NTNG1: variants seen among roughly 807,000 people sequenced by gnomAD.
NTNG1 encodes netrin-G1.
NTNG1 carries 16 observed loss-of-function variants against 54.0 expected under a neutral mutation model. The observed-to-expected ratio is 0.30, with a 90% CI of 0.20 to 0.45. The LOEUF is 0.45. Ranked by LOEUF, NTNG1 falls within the 20% of genes least tolerant of loss-of-function variation. The pLI, the probability that NTNG1 is intolerant of heterozygous loss-of-function variation, is 1.00. For synonymous variants in NTNG1, 255 were observed against 263.1 expected (o/e 0.97, Z 0.30); for missense variants, 530 against 678.7 (o/e 0.78, Z 2.43).
rs140746162 is a variant in NTNG1 at position 107,466,540 on chromosome 1, G to A, written c.1391-14071G>A. Among the ~76,000 whole-genome samples, 28 of 152,242 alleles carry A rather than the reference G, an allele frequency of 1.8e-4. 1 individual carries two copies. The East Asian group carries it at 4.6e-3, about 25-fold the overall frequency. On this transcript the variant is annotated intron_variant, in intron 7 of 7. Coordinates refer to ENST00000370068, the MANE Select transcript of NTNG1 (RefSeq NM_001113226.3). ...TTCAGAAAATAGAGTAAGAAATGTC[G>A]AGGAAAGTGAAATGTGTTAGGACAA...
At chr1:107,275,455 G>A (rs963351457) in intron 2 of NTNG1, among the ~76,000 whole-genome samples, 3 of 152,184 alleles carry the variant, frequency 2.0e-5, no homozygotes, top group African/African-American at 4.8e-5. Flanking sequence ...TACAGAGGCT[G>A]ACAAGTCCCA....
rs527848514 is a variant in NTNG1, at chr1:107,322,294, G to A, written c.247-1988G>A. ...AACTCACTTTGGTGGATCCCACAGC[G>A]CCTTTCCCCTTGTTTCCATACCCCT... On this transcript the variant is annotated intron_variant, in intron 2 of 7. Transcript: ENST00000370068. Among the ~76,000 whole-genome samples the A allele has an allele frequency of 1.3e-3, 198 of 152,150 alleles. 1 individual carries two copies. Among genetic ancestry groups the A allele is most frequent in the African/African-American group, 4.6e-3 (192 of 41,526 alleles).
intron 1 of NTNG1, chr1:107,141,385 G>A (rs1260772582): frequency 2.0e-5 from 3 of 149,880 alleles, no homozygotes; most frequent in Non-Finnish European, 4.5e-5. Context: ...AGGCGGACCA[G>A]GCTGGCTGCG....
intron 2 of NTNG1, among the ~76,000 whole-genome samples, chr1:107,292,038 G>A (rs1470329634): frequency 2.6e-5 from 4 of 151,968 alleles, no homozygotes; most frequent in Non-Finnish European, 4.4e-5. Context: ...AAAGAGAAGC[G>A]AGGAAGGCAA....
At chr1:107,286,886 A>G (rs1665233410) in intron 2 of NTNG1, among the ~76,000 whole-genome samples, 1 of 152,178 alleles carries the variant, frequency 6.6e-6, no homozygotes. Flanking sequence ...CCAAATTTCA[A>G]AAGAATTAAT....
At chr1:107,477,569 T>G (rs1442798176) in intron 7 of NTNG1, among the ~76,000 whole-genome samples, 1 of 152,202 alleles carries the variant, frequency 6.6e-6, no homozygotes, top group Non-Finnish European at 1.5e-5. Flanking sequence ...ACTGATGCAG[T>G]TTCCCCATTT....
chr1:107,141,080 T>C lies in NTNG1; in HGVS notation c.-586T>C, dbSNP rs1317458673. On this transcript the variant is annotated 5_prime_UTR_variant, in exon 1 of 8. Coordinates refer to ENST00000370068, the MANE Select transcript of NTNG1 (RefSeq NM_001113226.3). ...CGTCAACGGGAAGGAATTCCCCCTC[T>C]GGGTGCGGGCTCCGAGAGGGGGCGA... is the stretch of plus-strand genomic sequence containing the variant. 1 of 152,388 alleles carries C rather than the reference T, an allele frequency of 6.6e-6. No homozygotes were observed. Among genetic ancestry groups the C allele is most frequent in the East Asian group, 2.0e-4 (1 of 5,124 alleles). 9.4% of individuals were successfully genotyped at this position (152,388 alleles called of 1,614,324 possible).
chr1:107,351,662 T>C (rs1669607016), intron 3 of NTNG1, among the ~76,000 whole-genome samples: 1 of 152,178 alleles, frequency 6.6e-6, no homozygotes, highest in Non-Finnish European at 1.5e-5. Flanking sequence ...ATTCTGCCCC[T>C]GGCCCTTCCC....
chr1:107,304,770 T>C (rs1666566399), intron 2 of NTNG1, among the ~76,000 whole-genome samples: 1 of 151,908 alleles, frequency 6.6e-6, no homozygotes, highest in South Asian at 2.1e-4. Flanking sequence ...CTGGGATACA[T>C]ACATGTGCAG....
chr1:107,265,757 GA>G (rs1663692914), intron 2 of NTNG1, among the ~76,000 whole-genome samples: 1 of 152,198 alleles, frequency 6.6e-6, no homozygotes, highest in Non-Finnish European at 1.5e-5. Context: ...TCTTTGGTGA[GA>G]AGTAGAAGAA....
intron 3 of NTNG1, among the ~76,000 whole-genome samples, chr1:107,364,139 A>T (rs773325565): frequency 1.1e-4 from 17 of 152,190 alleles, no homozygotes; most frequent in Non-Finnish European, 2.2e-4. Context: ...ACCCTAATAC[A>T]ATTATTTCTA....
At chr1:107,452,570 C>A (rs1287790860) in intron 7 of NTNG1, among the ~76,000 whole-genome samples, 9 of 152,084 alleles carry the variant, frequency 5.9e-5, no homozygotes, top group African/African-American at 1.9e-4. Flanking sequence ...GCTACTAGTG[C>A]ATTCTAGTGG....
chr1:107,463,590 A>G (rs1221725114), intron 7 of NTNG1, among the ~76,000 whole-genome samples: 2 of 152,148 alleles, frequency 1.3e-5, no homozygotes, highest in African/African-American at 4.8e-5. Flanking sequence ...AAAATAGAAA[A>G]TGAATAATCT....
intron 3 of NTNG1, among the ~76,000 whole-genome samples, chr1:107,350,633 A>T (rs556132348): frequency 6.6e-6 from 1 of 152,352 alleles, no homozygotes; most frequent in South Asian, 2.1e-4. Context: ...AGTGTAATGC[A>T]TATATACAAT....
intron 2 of NTNG1, among the ~76,000 whole-genome samples, chr1:107,233,222 T>G (rs1661186852): frequency 1.3e-5 from 2 of 152,240 alleles, no homozygotes; most frequent in South Asian, 4.1e-4. Flanking sequence ...TAAGAAATAC[T>G]ACTAAGCAGT....
intron 2 of NTNG1, among the ~76,000 whole-genome samples, chr1:107,179,732 C>A (rs1656928162): frequency 6.6e-6 from 1 of 152,052 alleles, no homozygotes; most frequent in Admixed American, 6.6e-5. Context: ...TCCTGATCCT[C>A]TCCCTCCTCC....
chr1:107,275,263 G>C (rs965470129), intron 2 of NTNG1, among the ~76,000 whole-genome samples: 4 of 152,264 alleles, frequency 2.6e-5, no homozygotes, highest in Non-Finnish European at 4.4e-5. Flanking sequence ...TATAACCTCA[G>C]CTACTCGGGA....
chr1:107,314,520 A>C (rs574669738), intron 2 of NTNG1, among the ~76,000 whole-genome samples: 1 of 152,326 alleles, frequency 6.6e-6, no homozygotes, highest in South Asian at 2.1e-4. Context: ...CTAGTAAATG[A>C]GTGAGTATTG....
chr1:107,142,749 G>A (rs569802454), intron 1 of NTNG1, among the ~76,000 whole-genome samples: 1 of 147,514 alleles, frequency 6.8e-6, no homozygotes, highest in South Asian at 2.1e-4. Context: ...AAGCTTGTTG[G>A]AAAGTTTTCC....
Sources: allele counts gnomAD v4.1 joint callset (sites outside exome capture counted in the v4.1 genomes callset), GRCh38; gene constraint gnomAD v4.1.1; transcripts MANE v1.5; gene names NCBI Gene and HGNC (gene_info 2026-07-23, HGNC 2026-07-21).